MECR: variants seen among roughly 807,000 people sequenced by gnomAD.
MECR encodes the protein enoyl-[acyl-carrier-protein] reductase, mitochondrial.
In MECR, 37 loss-of-function variants were observed where a neutral mutation model predicts 49.1. The ratio of observed to expected loss-of-function variants is 0.75; its 90% CI spans 0.58 to 0.99. The LOEUF is 0.99. Ranked by LOEUF, MECR falls within the 50% of genes least tolerant of loss-of-function variation. The pLI, the probability that MECR is intolerant of heterozygous loss-of-function variation, is 0.00. For missense variants in MECR, 470 were observed against 479.6 expected, an observed-to-expected ratio of 0.98 and a Z score of 0.19; for synonymous variants, 198 against 191.1, an observed-to-expected ratio of 1.04 and a Z score of -0.30.
At chr1:29,200,999 T>C (rs1009001785) in intron 6 of MECR, among the ~76,000 whole-genome samples, 3 of 152,194 alleles carry the variant, frequency 2.0e-5, no homozygotes, top group African/African-American at 7.2e-5. Context: ...TCTCACTATG[T>C]TGCTCAGGCT....
intron 4 of MECR, 90 bp from the exon 5 acceptor site, chr1:29,203,323 G>A: frequency 1.0e-6 from 1 of 978,582 alleles, no homozygotes; most frequent in Non-Finnish European, 1.5e-6. Flanking sequence ...TGTAGGCAAG[G>A]GAGTCCTCAG....
the MECR span, chr1:29,173,522 A>G: frequency 8.1e-6 from 1 of 122,960 alleles, no homozygotes; most frequent in South Asian, 2.6e-4. Flanking sequence ...GCTGGAGTGC[A>G]ATGGTGCAAT....
the MECR span, among the ~76,000 whole-genome samples, chr1:29,186,549 T>A: frequency 6.6e-6 from 1 of 152,250 alleles, no homozygotes; most frequent in Non-Finnish European, 1.5e-5. Context: ...CTAACAACAG[T>A]GCCTTTCACA....
chr1:29,216,481 C>A, intron 2 of MECR, 107 bp downstream of exon 2: 1 of 1,145,572 alleles, frequency 8.7e-7, no homozygotes. Flanking sequence ...TGGAGAACAG[C>A]TGCTGCTAAT....
the MECR span, among the ~76,000 whole-genome samples, chr1:29,184,270 G>T: frequency 6.7e-6 from 1 of 148,488 alleles, no homozygotes; most frequent in Admixed American, 6.8e-5. Flanking sequence ...CTGCCTCCAG[G>T]TTCAAGCAAT....
intron 7 of MECR, among the ~76,000 whole-genome samples, chr1:29,197,261 T>C (rs1202690252): frequency 6.6e-6 from 1 of 152,154 alleles, no homozygotes; most frequent in Non-Finnish European, 1.5e-5. Flanking sequence ...GTGTCCGACC[T>C]AGGGTGATGC....
intron 1 of MECR, chr1:29,220,812 T>C (rs1398574583): frequency 1.6e-6 from 1 of 640,698 alleles, no homozygotes; most frequent in African/African-American, 2.0e-5. Flanking sequence ...AGTTAATGTA[T>C]GTAAAGCATT....
intron 7 of MECR, among the ~76,000 whole-genome samples, chr1:29,199,033 C>T (rs1321768341): frequency 6.6e-6 from 1 of 152,170 alleles, no homozygotes; most frequent in African/African-American, 2.4e-5. Context: ...GAATACTCAC[C>T]ACAGTGCTCT....
At chr1:29,209,452 G>T (rs552289098) in intron 3 of MECR, among the ~76,000 whole-genome samples, 24 of 152,180 alleles carry the variant, frequency 1.6e-4, no homozygotes, top group Non-Finnish European at 2.6e-4. Context: ...TATGCTTTAA[G>T]ATCACTTTAT....
the MECR span, chr1:29,172,660 G>A: frequency 1.3e-5 from 2 of 152,208 alleles, no homozygotes; most frequent in Non-Finnish European, 1.5e-5. Flanking sequence ...TACACTGCGG[G>A]TGTTAAGTGT....
chr1:29,182,612 C>G, the MECR span, among the ~76,000 whole-genome samples: 1 of 151,992 alleles, frequency 6.6e-6, no homozygotes, highest in Admixed American at 6.6e-5. Context: ...GGCGCGACCT[C>G]AGCTCACTGC....
At chr1:29,230,529 A>G (rs1683161569) in intron 1 of MECR, 4 of 586,414 alleles carry the variant, frequency 6.8e-6, no homozygotes, top group Non-Finnish European at 1.2e-5. Context: ...AGCCATTAAT[A>G]CCCTGATAAT....
At chr1:29,170,619 T>C in the MECR span, 1 of 152,228 alleles carries the variant, frequency 6.6e-6, no homozygotes, top group Non-Finnish European at 1.5e-5. Context: ...TGGATGCCAC[T>C]AATTAAGTAT....
At chr1:29,183,395 TTCTC>T in the MECR span, among the ~76,000 whole-genome samples, 3 of 150,128 alleles carry the variant, frequency 2.0e-5, no homozygotes, top group East Asian at 3.9e-4. Flanking sequence ...CTCTCTCTCT[TTCTC>T]TCTCTCTCTA....
At chr1:29,227,348 T>C (rs1682357841) in intron 1 of MECR, among the ~76,000 whole-genome samples, 1 of 152,206 alleles carries the variant, frequency 6.6e-6, no homozygotes. Flanking sequence ...ATTTCTCAAA[T>C]GTTTGTCATT....
chr1:29,200,448 T>C (rs1675034075), intron 7 of MECR, 68 bp downstream of exon 7: 2 of 1,478,050 alleles, frequency 1.4e-6, no homozygotes, highest in Non-Finnish European at 1.9e-6. Context: ...CTCAGTCACT[T>C]GATGGTCCTC....
At chr1:29,169,741 A>T in the MECR span, 1 of 152,242 alleles carries the variant, frequency 6.6e-6, no homozygotes, top group Non-Finnish European at 1.5e-5. Context: ...CATGGTATTG[A>T]GTCCACATTG....
intron 6 of MECR, among the ~76,000 whole-genome samples, chr1:29,200,971 T>C (rs1485223936): frequency 6.6e-6 from 1 of 152,066 alleles, no homozygotes; most frequent in African/African-American, 2.4e-5. Flanking sequence ...AAAAAATGTT[T>C]TTTTGTAGAG....
chr1:29,180,898 A>C, the MECR span, among the ~76,000 whole-genome samples: 64 of 152,374 alleles, frequency 4.2e-4, no homozygotes, highest in African/African-American at 1.5e-3. Context: ...CCAGACGCAG[A>C]TACTAGCCAG....
Sources: gnomAD v4.1 joint callset for allele counts (sites outside exome capture counted in the v4.1 genomes callset) on GRCh38, gnomAD v4.1.1 for gene constraint, MANE v1.5 for transcripts, NCBI Gene and HGNC (gene_info 2026-07-23, HGNC 2026-07-21) for gene names.